The following DCC variants were observed in gnomAD, a reference collection of about 807,000 sequenced individuals.
DCC encodes netrin receptor DCC.
DCC carries 58 observed loss-of-function variants against 172.5 expected under a neutral mutation model. The observed-to-expected ratio is 0.34, with a 90% CI of 0.27 to 0.42. The LOEUF is 0.42. DCC is among the 10% of genes least tolerant of loss of function. The probability of loss-of-function intolerance (pLI) is 1.00; values close to 1 mark genes in which losing one functional copy is unlikely to be tolerated. For missense variants in DCC, 1,740 were observed against 1,791.0 expected (o/e 0.97, Z 0.51); for synonymous variants, 709 against 644.5 (o/e 1.10, Z -1.52).
chr18:52,494,027 C>T (rs1230026225), intron 1 of DCC, among the ~76,000 whole-genome samples: 1 of 152,006 alleles, frequency 6.6e-6, no homozygotes, highest in African/African-American at 2.4e-5. Flanking sequence ...TTGTTAATGA[C>T]AAATTCTCTT....
intron 12 of DCC, among the ~76,000 whole-genome samples, chr18:53,302,193 G>T (rs1180288428): frequency 1.3e-5 from 2 of 151,820 alleles, no homozygotes; most frequent in Non-Finnish European, 1.5e-5. Flanking sequence ...TCCAAATTCA[G>T]TCAGATTCTT....
At chr18:52,740,035 G>A (rs1177068059) in intron 1 of DCC, among the ~76,000 whole-genome samples, 1 of 152,128 alleles carries the variant, frequency 6.6e-6, no homozygotes, top group African/African-American at 2.4e-5. Flanking sequence ...TTTAAGTAGA[G>A]GCATGCATAT....
chr18:53,175,359 T>C (rs1201120299), intron 8 of DCC, among the ~76,000 whole-genome samples: 1 of 152,064 alleles, frequency 6.6e-6, no homozygotes, highest in Non-Finnish European at 1.5e-5. Flanking sequence ...ATAAAAGGTA[T>C]TCAGTTAGGA....
At chr18:53,067,963 G>T (rs2042597972) in intron 7 of DCC, among the ~76,000 whole-genome samples, 1 of 152,150 alleles carries the variant, frequency 6.6e-6, no homozygotes, top group South Asian at 2.1e-4. Context: ...TGCTCACAAA[G>T]ATGACTTTCT....
intron 15 of DCC, among the ~76,000 whole-genome samples, chr18:53,375,403 T>C (rs1347941369): frequency 1.3e-5 from 2 of 152,166 alleles, no homozygotes; most frequent in African/African-American, 2.4e-5. Flanking sequence ...GAGGAAGGAA[T>C]TACAAACATC....
chr18:53,244,613 G>A (rs186798209), intron 12 of DCC, among the ~76,000 whole-genome samples: 35 of 152,048 alleles, frequency 2.3e-4, no homozygotes, highest in East Asian at 1.6e-3. Flanking sequence ...TGGCTTTGTC[G>A]GGAACTCATT....
intron 21 of DCC, among the ~76,000 whole-genome samples, chr18:53,425,178 C>T (rs921024937): frequency 6.6e-5 from 10 of 151,708 alleles, no homozygotes; most frequent in African/African-American, 2.4e-4. Context: ...CAGTACTCTG[C>T]ATGGTTACAA....
chr18:52,533,896 C>A (rs75545776), intron 1 of DCC, among the ~76,000 whole-genome samples: 1,775 of 152,192 alleles, frequency 0.012, 18 homozygotes, highest in South Asian at 0.022. Flanking sequence ...TTCACCCTCA[C>A]CAAGATTTCA....
intron 12 of DCC, among the ~76,000 whole-genome samples, chr18:53,224,516 G>A (rs1415043311): frequency 6.6e-6 from 1 of 152,114 alleles, no homozygotes; most frequent in Non-Finnish European, 1.5e-5. Context: ...ACTACTGTGG[G>A]AAAATTATCA....
At chr18:53,454,587 A>G (rs575163441) in intron 23 of DCC, among the ~76,000 whole-genome samples, 8 of 152,316 alleles carry the variant, frequency 5.3e-5, no homozygotes, top group Admixed American at 1.3e-4. Flanking sequence ...TGAATGCTTT[A>G]AATTTAAACA....
At chr18:52,565,549 G>C (rs1156358002) in intron 1 of DCC, among the ~76,000 whole-genome samples, 2 of 152,124 alleles carry the variant, frequency 1.3e-5, no homozygotes, top group Non-Finnish European at 2.9e-5. Flanking sequence ...GGCATGAGAT[G>C]GTATCTCATT....
At chr18:52,445,338 A>C (rs902858115) in intron 1 of DCC, among the ~76,000 whole-genome samples, 3 of 152,180 alleles carry the variant, frequency 2.0e-5, no homozygotes, top group Admixed American at 6.5e-5. Flanking sequence ...CAGGCGTATT[A>C]CCAATGATAT....
chr18:53,402,708 C>A, intron 18 of DCC, 78 bp from the exon 19 acceptor site: 3 of 1,029,822 alleles, frequency 2.9e-6, no homozygotes, highest in Non-Finnish European at 1.5e-6. Context: ...TGAATGTCAA[C>A]ATCATGATGA....
At chr18:52,413,530 TAA>T (rs1475167191) in intron 1 of DCC, among the ~76,000 whole-genome samples, 9 of 152,082 alleles carry the variant, frequency 5.9e-5, no homozygotes, top group Non-Finnish European at 1.2e-4. Flanking sequence ...CACAAAATGA[TAA>T]AAGTTATTTA....
intron 1 of DCC, among the ~76,000 whole-genome samples, chr18:52,579,271 A>C (rs915879694): frequency 2.6e-5 from 4 of 152,108 alleles, no homozygotes; most frequent in Non-Finnish European, 5.9e-5. Context: ...TTTGCTTGGG[A>C]GATTTCTTTA....
intron 5 of DCC, among the ~76,000 whole-genome samples, chr18:52,954,862 T>C (rs2040716173): frequency 6.6e-6 from 1 of 152,178 alleles, no homozygotes; most frequent in Non-Finnish European, 1.5e-5. Context: ...CAGCTTAAGT[T>C]ATGTCTGTAT....
At chr18:52,346,161 C>G (rs537582925) in intron 1 of DCC, among the ~76,000 whole-genome samples, 2 of 152,134 alleles carry the variant, frequency 1.3e-5, no homozygotes, top group Admixed American at 6.6e-5. Context: ...AAAGGATGAA[C>G]AATCCAGATT....
At chr18:53,103,399 T>G (rs769094037) in intron 7 of DCC, among the ~76,000 whole-genome samples, 5 of 152,000 alleles carry the variant, frequency 3.3e-5, no homozygotes, top group Non-Finnish European at 7.4e-5. Flanking sequence ...TAAGTTTTAT[T>G]TTTTTCTTGA....
chr18:53,136,964 C>T (rs997902482), intron 7 of DCC, among the ~76,000 whole-genome samples: 1 of 152,128 alleles, frequency 6.6e-6, no homozygotes, highest in African/African-American at 2.4e-5. Flanking sequence ...TGTCCAGGCC[C>T]TAAAGGGCCA....
Sources: allele counts gnomAD v4.1 joint callset (sites outside exome capture counted in the v4.1 genomes callset), GRCh38; gene constraint gnomAD v4.1.1; transcripts MANE v1.5; gene names NCBI Gene and HGNC (gene_info 2026-07-23, HGNC 2026-07-21).